The following HSD17B4 variants were observed in gnomAD, a reference collection of about 807,000 sequenced individuals.
HSD17B4 encodes peroxisomal multifunctional enzyme type 2.
A neutral mutation model predicts 101.0 loss-of-function variants in HSD17B4; 70 were observed. The ratio of observed to expected loss-of-function variants is 0.69; its 90% CI spans 0.57 to 0.85. HSD17B4 has a LOEUF of 0.85. HSD17B4 is among the 40% of genes least tolerant of loss of function. HSD17B4 has a pLI of 0.00. For missense variants in HSD17B4, 984 were observed against 892.4 expected, an observed-to-expected ratio of 1.10 and a Z score of -1.31; for synonymous variants, 347 against 297.1, an observed-to-expected ratio of 1.17 and a Z score of -1.73.
At chr5:119,497,084 G>A (rs931716537) in intron 12 of HSD17B4, among the ~76,000 whole-genome samples, 1 of 152,122 alleles carries the variant, frequency 6.6e-6, no homozygotes, top group African/African-American at 2.4e-5. Flanking sequence ...AGCCGAGTGG[G>A]GCTTGGAGAA....
intron 8 of HSD17B4, among the ~76,000 whole-genome samples, chr5:119,486,261 A>G (rs1332626263): frequency 6.6e-6 from 1 of 152,182 alleles, no homozygotes; most frequent in East Asian, 1.9e-4. Context: ...GATCACACAG[A>G]CTAGCCTTGG....
chr5:119,489,358 C>A (rs1749893325), intron 9 of HSD17B4, 75 bp downstream of exon 9: 1 of 889,926 alleles, frequency 1.1e-6, no homozygotes, highest in East Asian at 2.4e-5. Context: ...TACCAGTGGA[C>A]ATCACTTGTA....
rs549330994 is a variant in HSD17B4, at chr5:119,530,112, C to T, written c.1854+132C>T. 5.8e-4 allele frequency: 406 copies of T among 701,948 alleles called. 1 individual carries two copies. Among genetic ancestry groups the T allele is most frequent in the Admixed American group, 1.9e-3 (90 of 48,204 alleles). The allele number at this position is 701,948 out of a possible 1,614,324, so 43.5% of individuals were successfully genotyped here. A position where few individuals can be genotyped will look rare whatever the true frequency, so the allele number is the denominator to read the frequency against. On this transcript the variant is annotated intron_variant, in intron 21 of 23. Coordinates refer to ENST00000510025, the MANE Select transcript of HSD17B4 (RefSeq NM_000414.4). ...TATTCTTAATTCTTGAAGTGAAAAA[C>T]ATTAATTCAAAACAGCTTGGAATAG...
chr5:119,519,953 G>T lies in HSD17B4; in HGVS notation c.1503+4907G>T, dbSNP rs374837368. Among the ~76,000 whole-genome samples, 139 of 152,106 alleles carry T rather than the reference G, an allele frequency of 9.1e-4. 1 individual carries two copies. The highest frequency in any genetic ancestry group is 3.0e-3 in the African/African-American group (125 of 41,486). ...GATATTACTGACAGCCACGTTCTAG[G>T]TCCCACTCGCAGCTCCAGAAAAGAC... On this transcript the variant is annotated intron_variant, in intron 17 of 23. Coordinates refer to ENST00000510025, the MANE Select transcript of HSD17B4 (RefSeq NM_000414.4).
chr5:119,525,227 C>T lies in HSD17B4; in HGVS notation c.1515C>T (p.Tyr505=). The change falls in exon 18 of 24, where the codon TAC becomes TAT. Residue 505 remains tyrosine (Y), a synonymous_variant. Transcript: ENST00000510025. The part of the protein sequence containing the change: ...DTTSLNQAAL[Y]RLSGDWNPLH... Reference sequence around the variant, plus strand: ...TGCTTTCTCCACAGGCTGCTTTGTACCGCCTCAGTGGAGACTGGAATCCCT... The same window carrying T: ...TGCTTTCTCCACAGGCTGCTTTGTATCGCCTCAGTGGAGACTGGAATCCCT... The T allele has an allele frequency of 1.2e-6, 2 of 1,611,334 alleles. No individual in the cohort carries two copies. The highest frequency in any genetic ancestry group is 1.7e-6 in the Non-Finnish European group (2 of 1,177,802).
chr5:119,483,681 T>C (rs1749350814), intron 8 of HSD17B4, among the ~76,000 whole-genome samples: 1 of 152,190 alleles, frequency 6.6e-6, no homozygotes, highest in Non-Finnish European at 1.5e-5. Flanking sequence ...TTAAGAACTG[T>C]TTGTACCCAT....
intron 4 of HSD17B4, among the ~76,000 whole-genome samples, chr5:119,474,771 C>A (rs982125320): frequency 6.6e-6 from 1 of 151,760 alleles, no homozygotes; most frequent in African/African-American, 2.4e-5. Context: ...AAAAATAAAC[C>A]AATATTTTGG....
chr5:119,526,032 G>T lies in HSD17B4; in HGVS notation c.1680+9G>T. Reference sequence around the variant, plus strand: ...GATTCAAGGCAATTAAGGTAAATGTGTATTACTACGTAATTTGAATATTAC... The same window carrying T: ...GATTCAAGGCAATTAAGGTAAATGTTTATTACTACGTAATTTGAATATTAC... On this transcript the variant is annotated intron_variant, in intron 19 of 23. Coordinates refer to ENST00000510025, the MANE Select transcript of HSD17B4 (RefSeq NM_000414.4). 1 of 1,354,080 alleles carries T rather than the reference G, an allele frequency of 7.4e-7. No individual in the cohort carries two copies. The highest frequency in any genetic ancestry group is 1.1e-6 in the Non-Finnish European group (1 of 942,322). 83.9% of individuals were successfully genotyped at this position (1,354,080 alleles called of 1,614,324 possible). A position where few individuals can be genotyped will look rare whatever the true frequency, so the allele number is the denominator to read the frequency against.
chr5:119,541,075 G>C (rs943229346), intron 23 of HSD17B4, among the ~76,000 whole-genome samples: 1 of 152,096 alleles, frequency 6.6e-6, no homozygotes, highest in African/African-American at 2.4e-5. Context: ...TAAAAACTAT[G>C]ATTGATTATT....
chr5:119,499,659 A>T (rs1158863674), intron 13 of HSD17B4, 106 bp downstream of exon 13: 2 of 563,142 alleles, frequency 3.6e-6, no homozygotes, highest in Non-Finnish European at 6.1e-6. Flanking sequence ...ATATATATTT[A>T]TATAATTATT....
chr5:119,518,473 A>G (rs1752840736), intron 17 of HSD17B4, among the ~76,000 whole-genome samples: 1 of 152,220 alleles, frequency 6.6e-6, no homozygotes, highest in Non-Finnish European at 1.5e-5. Context: ...AGGGTTCGAT[A>G]GTAAGAATGG....
intron 9 of HSD17B4, among the ~76,000 whole-genome samples, 183 bp from the exon 10 acceptor site, chr5:119,491,917 C>T (rs140360118): frequency 2.6e-4 from 40 of 152,168 alleles, no homozygotes; most frequent in African/African-American, 6.3e-4. Flanking sequence ...GTTTGTGCTC[C>T]GATAACATGA....
At position 119,542,095 on chromosome 5, in the gene HSD17B4, G is replaced by T; in HGVS notation, c.*101G>T. On this transcript the variant is annotated 3_prime_UTR_variant, in exon 24 of 24. Transcript: ENST00000510025. ...AAAGTGATTAGAACTAAGATGCAGG[G>T]GAAATTGCTTAACATTTTCAGATAT... 1 of 787,232 alleles carries T rather than the reference G, an allele frequency of 1.3e-6. No homozygotes were observed. Among genetic ancestry groups the T allele is most frequent in the Non-Finnish European group, 2.2e-6 (1 of 451,948 alleles). The allele number at this position is 787,232 out of a possible 1,614,324, so 48.8% of individuals were successfully genotyped here.
intron 2 of HSD17B4, among the ~76,000 whole-genome samples, chr5:119,468,994 T>A (rs1756087662): frequency 6.6e-6 from 1 of 151,830 alleles, no homozygotes; most frequent in Non-Finnish European, 1.5e-5. Flanking sequence ...CATGACAACG[T>A]TTGAGGGAGG....
At chr5:119,497,136 A>G (rs1300247573) in intron 12 of HSD17B4, among the ~76,000 whole-genome samples, 1 of 152,124 alleles carries the variant, frequency 6.6e-6, no homozygotes, top group Non-Finnish European at 1.5e-5. Context: ...TTGGAAACAG[A>G]GCTGCTGAAA....
chr5:119,536,367 C>A, intron 22 of HSD17B4, 56 bp from the exon 23 acceptor site: 7 of 1,525,280 alleles, frequency 4.6e-6, no homozygotes, highest in Admixed American at 1.7e-5. Context: ...GTTTATTTTA[C>A]CCTCATTTTG....
chr5:119,538,789 G>A (rs563049210), intron 23 of HSD17B4, among the ~76,000 whole-genome samples: 2 of 152,226 alleles, frequency 1.3e-5, no homozygotes, highest in South Asian at 4.2e-4. Flanking sequence ...TTGCATGGCT[G>A]GCTTCATTTC....
intron 8 of HSD17B4, among the ~76,000 whole-genome samples, chr5:119,482,091 T>A (rs1749193159): frequency 6.6e-6 from 1 of 152,184 alleles, no homozygotes. Flanking sequence ...CTCCTTCAAA[T>A]ACTTCTGCTT....
intron 2 of HSD17B4, among the ~76,000 whole-genome samples, chr5:119,463,655 CTTTTTTTTTTTTTTTTTT>C (rs57252147): frequency 3.4e-5 from 1 of 29,700 alleles, no homozygotes; most frequent in African/African-American, 7.5e-5. Flanking sequence ...ATTTATATGT[CTTTTTTTTTTTTTTTTTT>C]TTTTTTTTTT....
Sources: gnomAD v4.1 joint callset for allele counts (sites outside exome capture counted in the v4.1 genomes callset) on GRCh38, gnomAD v4.1.1 for gene constraint, MANE v1.5 for transcripts, NCBI Gene and HGNC (gene_info 2026-07-23, HGNC 2026-07-21) for gene names.